The following ROBO1 variants were observed in gnomAD, a reference collection of about 807,000 sequenced individuals.
ROBO1 encodes the protein roundabout guidance receptor 1, also known as roundabout homolog 1.
A neutral mutation model predicts 195.9 loss-of-function variants in ROBO1; 149 were observed. The ratio of observed to expected loss-of-function variants is 0.76; its 90% CI spans 0.67 to 0.87. The LOEUF is 0.87. Among genes scored for constraint, ROBO1 ranks in the 40% least tolerant of loss-of-function variants. The pLI, the probability that ROBO1 is intolerant of heterozygous loss-of-function variation, is 0.00. For synonymous variants in ROBO1, 816 were observed against 733.2 expected (o/e 1.11, Z -1.82); for missense variants, 1,933 against 2,068.3 (o/e 0.93, Z 1.27).
At chr3:78,789,925 C>A (rs1197049822) in intron 4 of ROBO1, among the ~76,000 whole-genome samples, 2 of 152,318 alleles carry the variant, frequency 1.3e-5, no homozygotes, top group African/African-American at 4.8e-5. Flanking sequence ...CGCATGACCT[C>A]CCAAATTGGA....
Position 78,846,798 on chromosome 3 carries a change from G to A in ROBO1, c.499+91803C>T, listed in dbSNP as rs374689947. Among the ~76,000 whole-genome samples, 33 of 152,244 alleles carry A rather than the reference G, an allele frequency of 2.2e-4. No individual in the cohort carries two copies. The East Asian group carries it at 5.4e-3, about 25-fold the overall frequency. On this transcript the variant is annotated intron_variant, in intron 4 of 30. Transcript: ENST00000464233. The stretch of plus-strand genomic sequence containing the variant: ...CATTCATTTAAAGTATATAAGTGGT[G>A]TACTTTTAAAGAACCTTTCTGTGGT...
chr3:79,366,348 C>T (rs964418329), intron 2 of ROBO1, among the ~76,000 whole-genome samples: 2 of 152,104 alleles, frequency 1.3e-5, no homozygotes, highest in Non-Finnish European at 2.9e-5. Flanking sequence ...TCAATGCCTC[C>T]ATTTTGTATT....
At chr3:78,982,802 A>G (rs2107998579) in intron 3 of ROBO1, among the ~76,000 whole-genome samples, 1 of 152,152 alleles carries the variant, frequency 6.6e-6, no homozygotes, top group Admixed American at 6.5e-5. Context: ...CTAATTTTAT[A>G]GAGATGGGGT....
At chr3:78,967,291 T>A (rs2076667778) in intron 3 of ROBO1, among the ~76,000 whole-genome samples, 1 of 152,008 alleles carries the variant, frequency 6.6e-6, no homozygotes, top group Admixed American at 6.6e-5. Flanking sequence ...TGTAAGGCAG[T>A]TCTGTTATGA....
At chr3:78,649,471 C>A (rs1294556703) in intron 19 of ROBO1, among the ~76,000 whole-genome samples, 2 of 152,122 alleles carry the variant, frequency 1.3e-5, no homozygotes, top group Non-Finnish European at 2.9e-5. Context: ...ACACCGATAG[C>A]TAAATGTAAG....
intron 2 of ROBO1, among the ~76,000 whole-genome samples, chr3:79,412,874 A>AT (rs1167482550): frequency 0.083 from 3,162 of 38,234 alleles, 817 homozygotes; most frequent in East Asian, 0.1. Flanking sequence ...TCATGAGCTG[A>AT]TTTTTTTTTT....
chr3:79,678,263 GA>G (rs977577169), intron 1 of ROBO1, among the ~76,000 whole-genome samples: 71 of 151,984 alleles, frequency 4.7e-4, no homozygotes, highest in African/African-American at 1.7e-3. Context: ...AGCTGAACAT[GA>G]GGAGCAGATT....
At chr3:79,342,719 T>A (rs1489579680) in intron 2 of ROBO1, among the ~76,000 whole-genome samples, 1 of 152,082 alleles carries the variant, frequency 6.6e-6, no homozygotes, top group Non-Finnish European at 1.5e-5. Flanking sequence ...GGAAAAATAA[T>A]GGAATGATGA....
chr3:79,102,245 A>G (rs991283403), intron 3 of ROBO1, among the ~76,000 whole-genome samples: 1 of 151,784 alleles, frequency 6.6e-6, no homozygotes, highest in African/African-American at 2.4e-5. Context: ...CATAGATAGT[A>G]TTCTTCTTTT....
chr3:79,055,831 A>G (rs1212485843), intron 3 of ROBO1, among the ~76,000 whole-genome samples: 8 of 152,152 alleles, frequency 5.3e-5, no homozygotes, highest in Non-Finnish European at 1.0e-4. Flanking sequence ...ATCCCTTTAC[A>G]ATGAAAATCT....
At chr3:79,536,742 C>G (rs1453509984) in intron 2 of ROBO1, among the ~76,000 whole-genome samples, 1 of 152,064 alleles carries the variant, frequency 6.6e-6, no homozygotes, top group African/African-American at 2.4e-5. Context: ...CATCTGAAGA[C>G]ACTTAAAATT....
intron 1 of ROBO1, among the ~76,000 whole-genome samples, chr3:79,761,233 G>A (rs1046116810): frequency 6.0e-5 from 9 of 149,636 alleles, no homozygotes; most frequent in South Asian, 2.1e-4. Flanking sequence ...AACTGTACCC[G>A]AAGCAACTTG....
intron 2 of ROBO1, among the ~76,000 whole-genome samples, chr3:79,134,218 G>T (rs1251889763): frequency 7.4e-6 from 1 of 135,638 alleles, no homozygotes; most frequent in Non-Finnish European, 1.6e-5. Context: ...CCATCAAAAA[G>T]TGGGCGAAGG....
chr3:79,660,476 T>A (rs1002581650), intron 1 of ROBO1, among the ~76,000 whole-genome samples: 1 of 152,076 alleles, frequency 6.6e-6, no homozygotes, highest in Non-Finnish European at 1.5e-5. Flanking sequence ...TTGTGTTTCC[T>A]CTTTCTGCAA....
chr3:79,142,082 A>G (rs2080539446), intron 2 of ROBO1, among the ~76,000 whole-genome samples: 1 of 152,142 alleles, frequency 6.6e-6, no homozygotes, highest in Non-Finnish European at 1.5e-5. Flanking sequence ...CTTATTGTAA[A>G]TTAATGGAAA....
At chr3:78,937,990 A>AGTGTGTGTGTGT (rs10596981) in intron 4 of ROBO1, 6 of 135,688 alleles carry the variant, frequency 4.4e-5, no homozygotes, top group Non-Finnish European at 8.1e-5. Context: ...AGAGAGAGTG[A>AGTGTGTGTGTGT]GTGTGTGTGT....
At chr3:79,547,053 C>T (rs1399542303) in intron 2 of ROBO1, among the ~76,000 whole-genome samples, 2 of 151,408 alleles carry the variant, frequency 1.3e-5, no homozygotes, top group Non-Finnish European at 2.9e-5. Context: ...GGCGTGGTGG[C>T]GGGTGCCTCT....
chr3:79,380,996 G>C (rs559278892), intron 2 of ROBO1, among the ~76,000 whole-genome samples: 3 of 152,312 alleles, frequency 2.0e-5, no homozygotes, highest in Admixed American at 2.0e-4. Context: ...ATATGAGTGA[G>C]TCCAGCTGAA....
At chr3:79,715,228 G>A (rs1054479959) in intron 1 of ROBO1, among the ~76,000 whole-genome samples, 3 of 152,062 alleles carry the variant, frequency 2.0e-5, no homozygotes, top group Non-Finnish European at 2.9e-5. Flanking sequence ...TGGTTTGAGA[G>A]GATTGAACTC....
Sources: gnomAD v4.1 joint callset for allele counts (sites outside exome capture counted in the v4.1 genomes callset) on GRCh38, gnomAD v4.1.1 for gene constraint, MANE v1.5 for transcripts, NCBI Gene and HGNC (gene_info 2026-07-23, HGNC 2026-07-21) for gene names.